The following HS6ST3 variants were observed in gnomAD, a reference collection of about 807,000 sequenced individuals.
The protein encoded by HS6ST3 is heparan-sulfate 6-O-sulfotransferase 3.
In HS6ST3, 12 loss-of-function variants were observed where a neutral mutation model predicts 36.7. The observed-to-expected ratio is 0.33, with a 90% CI of 0.21 to 0.53. HS6ST3 has a LOEUF of 0.53. Ranked by LOEUF, HS6ST3 falls within the 20% of genes least tolerant of loss-of-function variation. The pLI, the probability that HS6ST3 is intolerant of heterozygous loss-of-function variation, is 0.95. For synonymous variants in HS6ST3, 240 were observed against 257.5 expected, an observed-to-expected ratio of 0.93 and a Z score of 0.65; for missense variants, 584 against 640.9, an observed-to-expected ratio of 0.91 and a Z score of 0.96.
At chr13:96,591,854 T>A (rs1048433645) in intron 1 of HS6ST3, among the ~76,000 whole-genome samples, 4 of 152,256 alleles carry the variant, frequency 2.6e-5, no homozygotes, top group African/African-American at 9.6e-5. Flanking sequence ...GTTTTTATTA[T>A]GTTGAGGTAT....
chr13:96,172,696 C>T (rs930813439), intron 1 of HS6ST3, among the ~76,000 whole-genome samples: 1 of 152,108 alleles, frequency 6.6e-6, no homozygotes, highest in Non-Finnish European at 1.5e-5. Context: ...CATCTTATTT[C>T]TCGTGTTAGA....
At chr13:96,408,355 T>C (rs185868274) in intron 1 of HS6ST3, among the ~76,000 whole-genome samples, 2 of 152,260 alleles carry the variant, frequency 1.3e-5, no homozygotes, top group African/African-American at 2.4e-5. Flanking sequence ...TGGCAATGGC[T>C]CACAAAAATG....
At chr13:96,499,180 C>A (rs1190119297) in intron 1 of HS6ST3, among the ~76,000 whole-genome samples, 1 of 152,054 alleles carries the variant, frequency 6.6e-6, no homozygotes, top group Non-Finnish European at 1.5e-5. Flanking sequence ...TGGCTGCTAC[C>A]ATGCCTGGCT....
At chr13:96,693,340 T>C (rs1030893852) in intron 1 of HS6ST3, among the ~76,000 whole-genome samples, 1 of 152,198 alleles carries the variant, frequency 6.6e-6, no homozygotes, top group African/African-American at 2.4e-5. Context: ...GTTTCACTTT[T>C]GTTACCCAGG....
intron 1 of HS6ST3, among the ~76,000 whole-genome samples, chr13:96,742,286 G>A (rs919307770): frequency 6.6e-6 from 1 of 151,922 alleles, no homozygotes; most frequent in African/African-American, 2.4e-5. Flanking sequence ...GAAAAAATAG[G>A]AACAATAAAA....
chr13:96,101,847 C>T (rs989529861), intron 1 of HS6ST3, among the ~76,000 whole-genome samples: 3 of 152,116 alleles, frequency 2.0e-5, no homozygotes, highest in African/African-American at 7.2e-5. Flanking sequence ...CTTTTCTCTC[C>T]TCTCTCTCTT....
At chr13:96,234,753 G>A (rs149008254) in intron 1 of HS6ST3, among the ~76,000 whole-genome samples, 5 of 152,206 alleles carry the variant, frequency 3.3e-5, no homozygotes, top group African/African-American at 9.6e-5. Context: ...TTCAAGATGA[G>A]TTTTGGGTGG....
chr13:96,833,085 C>T lies in HS6ST3; in HGVS notation c.1303C>T (p.Arg435Trp), dbSNP rs866414186. ...GCACCAGAGGGACCGCCAGAAGCGG[C>T]GGGAGGAGCGGAGGCTGCAGCGAGA... ...LEHQRDRQKR[R>W]EERRLQREHR... The change falls in exon 2 of 2, where the codon CGG (arginine) becomes TGG (tryptophan). Residue 435 changes from arginine to tryptophan, a missense_variant. By Grantham distance (101) the Arg-to-Trp change is moderately radical. Around this residue, in one of 3 missense-constraint regions of HS6ST3, gnomAD observed 360 missense variants for 411.3 expected, o/e 0.88. Coordinates refer to ENST00000376705, the MANE Select transcript of HS6ST3 (RefSeq NM_153456.4). The T allele has an allele frequency of 7.5e-6, 12 of 1,610,166 alleles. No homozygotes were observed. The highest frequency in any genetic ancestry group is 6.7e-5 in the African/African-American group (5 of 74,918).
chr13:96,363,409 G>A (rs554335996), intron 1 of HS6ST3, among the ~76,000 whole-genome samples: 3 of 151,930 alleles, frequency 2.0e-5, no homozygotes, highest in Admixed American at 6.6e-5. Context: ...TGACAGGGAC[G>A]AATTGCATGG....
At chr13:96,103,651 T>C (rs1045496719) in intron 1 of HS6ST3, among the ~76,000 whole-genome samples, 2 of 152,148 alleles carry the variant, frequency 1.3e-5, no homozygotes, top group Non-Finnish European at 2.9e-5. Flanking sequence ...TTTAAATTTA[T>C]ATTGACGTAA....
chr13:96,788,260 A>G (rs1420461678), intron 1 of HS6ST3, among the ~76,000 whole-genome samples: 1 of 151,910 alleles, frequency 6.6e-6, no homozygotes, highest in Non-Finnish European at 1.5e-5. Flanking sequence ...CAACTTACCT[A>G]TATCTATGAG....
intron 1 of HS6ST3, among the ~76,000 whole-genome samples, chr13:96,368,345 A>G (rs1452123803): frequency 2.6e-5 from 4 of 152,152 alleles, no homozygotes; most frequent in African/African-American, 9.7e-5. Context: ...AGTTTGTGTC[A>G]TAGCATGTTG....
intron 1 of HS6ST3, among the ~76,000 whole-genome samples, chr13:96,346,418 C>T (rs552366769): frequency 6.6e-6 from 1 of 151,866 alleles, no homozygotes; most frequent in East Asian, 1.9e-4. Flanking sequence ...CCTAAAAATA[C>T]AAAAAATTAG....
At chr13:96,224,828 C>G (rs1347685968) in intron 1 of HS6ST3, among the ~76,000 whole-genome samples, 1 of 152,192 alleles carries the variant, frequency 6.6e-6, no homozygotes, top group Non-Finnish European at 1.5e-5. Context: ...TGGTAAGAAT[C>G]TCACATTCTC....
At chr13:96,186,471 A>G (rs1302611416) in intron 1 of HS6ST3, among the ~76,000 whole-genome samples, 2 of 152,164 alleles carry the variant, frequency 1.3e-5, no homozygotes, top group Non-Finnish European at 2.9e-5. Flanking sequence ...TTACATTATT[A>G]TGCACTCAGT....
At chr13:96,713,394 A>T (rs1242892581) in intron 1 of HS6ST3, among the ~76,000 whole-genome samples, 1 of 152,212 alleles carries the variant, frequency 6.6e-6, no homozygotes, top group Non-Finnish European at 1.5e-5. Flanking sequence ...TTATCATATG[A>T]CTGTAAATAT....
chr13:96,509,188 T>G (rs1332672311), intron 1 of HS6ST3, among the ~76,000 whole-genome samples: 2 of 152,152 alleles, frequency 1.3e-5, no homozygotes, highest in African/African-American at 4.8e-5. Context: ...TTTGCCCACT[T>G]TTTCATGGGA....
chr13:96,211,807 A>G (rs2139357745), intron 1 of HS6ST3, among the ~76,000 whole-genome samples: 1 of 152,320 alleles, frequency 6.6e-6, no homozygotes, highest in Non-Finnish European at 1.5e-5. Context: ...TACACATTAC[A>G]ATGATATACT....
chr13:96,215,422 A>G (rs923086601), intron 1 of HS6ST3, among the ~76,000 whole-genome samples: 1 of 152,222 alleles, frequency 6.6e-6, no homozygotes, highest in Non-Finnish European at 1.5e-5. Flanking sequence ...GGTTTATCCA[A>G]CCTATCATAT....
Sources: allele counts gnomAD v4.1 joint callset (sites outside exome capture counted in the v4.1 genomes callset), GRCh38; gene constraint gnomAD v4.1.1; regional missense constraint gnomAD v4.1.1; transcripts MANE v1.5; gene names NCBI Gene and HGNC (gene_info 2026-07-23, HGNC 2026-07-21).